AFF4: variants seen among roughly 807,000 people sequenced by gnomAD.
AFF4 encodes ALF transcription elongation factor 4.
In AFF4, 13 loss-of-function variants were observed where a neutral mutation model predicts 124.8. The ratio of observed to expected loss-of-function variants is 0.10; its 90% confidence interval spans 0.07 to 0.17. The LOEUF (loss-of-function observed/expected upper bound fraction) is 0.17, where lower values mean the gene tolerates loss of function less well. Among genes scored for constraint, AFF4 ranks in the 10% least tolerant of loss-of-function variants. The pLI is 1.00. For missense variants in AFF4, 1,092 were observed against 1,403.8 expected (o/e 0.78, Z 3.55); for synonymous variants, 477 against 496.1 (o/e 0.96, Z 0.51).
At chr5:132,886,964 T>C (rs570663179) in intron 17 of AFF4, among the ~76,000 whole-genome samples, 2 of 152,354 alleles carry the variant, frequency 1.3e-5, no homozygotes, top group African/African-American at 2.4e-5. Context: ...ACATATACTT[T>C]TCTTTCAAAA....
chr5:132,926,306 T>C (rs1761170146), intron 5 of AFF4: 1 of 423,034 alleles, frequency 2.4e-6, no homozygotes, highest in Non-Finnish European at 4.7e-6. Context: ...AAGGAGAATG[T>C]ATTTCTGTAT....
intron 1 of AFF4, chr5:132,943,521 C>T (rs1002796753): frequency 2.2e-5 from 4 of 180,538 alleles, no homozygotes; most frequent in Non-Finnish European, 5.2e-5. Flanking sequence ...AAAATATCTA[C>T]AAAATTGGTG....
chr5:132,955,137 C>T (rs1484911479), intron 1 of AFF4, among the ~76,000 whole-genome samples: 2 of 152,144 alleles, frequency 1.3e-5, no homozygotes, highest in African/African-American at 4.8e-5. Flanking sequence ...CCCATAGTCT[C>T]CGGTGTCCAG....
chr5:132,933,124 G>A (rs1761338034), intron 3 of AFF4, among the ~76,000 whole-genome samples: 1 of 151,020 alleles, frequency 6.6e-6, no homozygotes, highest in Non-Finnish European at 1.5e-5. Context: ...GGGGCCAGGC[G>A]CGGTGGCTCA....
chr5:132,907,365 C>G (rs1300100551), intron 5 of AFF4, among the ~76,000 whole-genome samples: 2 of 152,094 alleles, frequency 1.3e-5, no homozygotes, highest in Admixed American at 1.3e-4. Flanking sequence ...AAGGATGAAA[C>G]CCAAACTCTC....
At chr5:132,908,075 C>A (rs889954621) in intron 5 of AFF4, among the ~76,000 whole-genome samples, 9 of 149,888 alleles carry the variant, frequency 6.0e-5, no homozygotes, top group African/African-American at 2.0e-4. Flanking sequence ...TGGAGTAGTA[C>A]CAGTAGGAGA....
At chr5:132,882,302 T>C (rs187477198) in intron 20 of AFF4, among the ~76,000 whole-genome samples, 1 of 152,294 alleles carries the variant, frequency 6.6e-6, no homozygotes, top group East Asian at 1.9e-4. Context: ...TTCATCTGAT[T>C]ACCTGTTCAC....
rs138462135 is a variant in AFF4, at chr5:132,920,508, C to T, written c.1050+6613G>A. On this transcript the variant is annotated intron_variant, in intron 5 of 20. Transcript: ENST00000265343. ...GTAGCTGGGACTATAGGTCATGCCA[C>T]CACGCCTGGCTAATATTTACATTTT... Among the ~76,000 whole-genome samples, 510 of 151,980 alleles carry T rather than the reference C, an allele frequency of 3.4e-3. 1 individual carries two copies. The highest frequency in any genetic ancestry group is 0.01 in the Middle Eastern group (3 of 294).
chr5:132,955,813 TAC>T lies in AFF4; in HGVS notation c.-5+7444_-5+7445del, dbSNP rs1370974350. ...AAAAAAAAATATATATATATATATA[TAC>T]ACACACACACACAAAATATATACAT... On this transcript the variant is annotated intron_variant, in intron 1 of 20. Transcript: ENST00000265343. 1.1e-4 allele frequency among the ~76,000 whole-genome samples: 15 copies of T among 137,486 alleles called. No homozygotes were observed. In the East Asian group the frequency reaches 1.2e-3, roughly 11 times the overall value. The allele number at this position is 137,486 out of a possible 152,430, so 90.2% of individuals were successfully genotyped here.
At chr5:132,955,092 G>A (rs2150113004) in intron 1 of AFF4, among the ~76,000 whole-genome samples, 1 of 152,220 alleles carries the variant, frequency 6.6e-6, no homozygotes, top group East Asian at 1.9e-4. Flanking sequence ...ATCTTCCCCT[G>A]GAGCTCAGCT....
At chr5:132,923,422 GGAGTCAGT>G (rs1761099029) in intron 5 of AFF4, among the ~76,000 whole-genome samples, 1 of 151,918 alleles carries the variant, frequency 6.6e-6, no homozygotes, top group Admixed American at 6.6e-5. Context: ...AAGGAGGGAG[GGAGTCAGT>G]GAGTGAGTGA....
chr5:132,886,224 TAA>T, intron 18 of AFF4, 84 bp downstream of exon 18: 1 of 1,178,748 alleles, frequency 8.5e-7, no homozygotes, highest in Non-Finnish European at 1.2e-6. Context: ...GTGTTTTGCA[TAA>T]ACATGAGGGC....
intron 1 of AFF4, among the ~76,000 whole-genome samples, chr5:132,938,019 G>A (rs1310119015): frequency 2.0e-5 from 3 of 151,780 alleles, no homozygotes; most frequent in Admixed American, 1.3e-4. Flanking sequence ...TGGTAGTAAA[G>A]GCTGGCAAAC....
chr5:132,892,067 T>G, intron 13 of AFF4, 97 bp downstream of exon 13: 19 of 1,548,066 alleles, frequency 1.2e-5, no homozygotes, highest in Admixed American at 1.7e-5. Flanking sequence ...ATATATTTAC[T>G]GAGATGTTAC....
chr5:132,959,258 T>C (rs1459908204), intron 1 of AFF4, among the ~76,000 whole-genome samples: 1 of 151,920 alleles, frequency 6.6e-6, no homozygotes, highest in Non-Finnish European at 1.5e-5. Flanking sequence ...CCCAAGTAGC[T>C]GGGACTACAG....
At chr5:132,936,266 C>CAAAA (rs747936348) in intron 2 of AFF4, among the ~76,000 whole-genome samples, 1,160 of 45,404 alleles carry the variant, frequency 0.026, 106 homozygotes, top group Non-Finnish European at 0.035. Flanking sequence ...GACTCCGTCT[C>CAAAA]AAAAAAAAAA....
intron 5 of AFF4, among the ~76,000 whole-genome samples, chr5:132,912,247 AG>A (rs1359941244): frequency 2.6e-5 from 4 of 151,324 alleles, no homozygotes; most frequent in African/African-American, 7.3e-5. Context: ...CCAGAGACTG[AG>A]GCAGAATTGC....
At chr5:132,897,272 C>T (rs377334693) in intron 10 of AFF4, 32 bp from the exon 11 acceptor site, 10 of 1,591,226 alleles carry the variant, frequency 6.3e-6, no homozygotes, top group African/African-American at 1.4e-5. Flanking sequence ...ATGCTTTTTT[C>T]GATACTGAAT....
chr5:132,887,610 C>CAA lies in AFF4; in HGVS notation c.2934-20_2934-19dup, dbSNP rs764507514. 4.6e-5 allele frequency: 73 copies of CAA among 1,599,962 alleles called. No homozygotes were observed. The highest frequency in any genetic ancestry group is 3.1e-4 in the South Asian group (28 of 90,702). On this transcript the variant is annotated intron_variant, in intron 16 of 20. Coordinates refer to ENST00000265343, the MANE Select transcript of AFF4 (RefSeq NM_014423.4). Reference sequence around the variant, plus strand: ...TAGTGTATCTGTTGAGTTACAATAACAAACAAATGACAAACAGAATACTTC... The same window carrying CAA: ...TAGTGTATCTGTTGAGTTACAATAACAAAAACAAATGACAAACAGAATACTTC...
Sources: gnomAD v4.1 joint callset for allele counts (sites outside exome capture counted in the v4.1 genomes callset) on GRCh38, gnomAD v4.1.1 for gene constraint, MANE v1.5 for transcripts, NCBI Gene and HGNC (gene_info 2026-07-23, HGNC 2026-07-21) for gene names.